Variants in RGS7 observed in about 807,000 individuals in gnomAD.
RGS7 encodes the protein regulator of G protein signaling 7.
Under a neutral mutation model 81.1 loss-of-function variants are expected in RGS7, and 27 were observed. That is an observed-to-expected ratio of 0.33 (90% confidence interval 0.25 to 0.46). RGS7 has a LOEUF of 0.46. Among genes scored for constraint, RGS7 ranks in the 20% least tolerant of loss-of-function variants. The pLI is 1.00. For missense variants in RGS7, 396 were observed against 607.4 expected (o/e 0.65, Z 3.66); for synonymous variants, 208 against 207.7 (o/e 1.00, Z -0.01).
In RGS7 at chr1:241,343,132, C is replaced by T. The variant is rs530608373; in HGVS notation, c.78+12567G>A. Among the ~76,000 whole-genome samples, 9 of 151,858 alleles carry T rather than the reference C, an allele frequency of 5.9e-5. No homozygotes were observed. The South Asian group carries it at 6.2e-4, about 11-fold the overall frequency. On this transcript the variant is annotated intron_variant, in intron 2 of 18. Transcript: ENST00000440928. ...AAAAAATTAGTCAGGCATGGTGGTG[C>T]GCACCTGTAGCCCCAGCTACTCGGG...
intron 2 of RGS7, among the ~76,000 whole-genome samples, chr1:241,342,550 G>A (rs989627785): frequency 6.6e-6 from 1 of 152,124 alleles, no homozygotes; most frequent in Non-Finnish European, 1.5e-5. Context: ...AATGTAAAAA[G>A]CAATTACAAA....
chr1:241,304,886 A>C (rs1323657102), intron 2 of RGS7, among the ~76,000 whole-genome samples: 1 of 152,230 alleles, frequency 6.6e-6, no homozygotes, highest in African/African-American at 2.4e-5. Context: ...ATTATTGCCT[A>C]TATTTAGGTT....
At chr1:241,235,652 CTCTT>C (rs1435016285) in intron 2 of RGS7, among the ~76,000 whole-genome samples, 6 of 135,040 alleles carry the variant, frequency 4.4e-5, no homozygotes, top group Non-Finnish European at 6.4e-5. Context: ...TTCTCATTCT[CTCTT>C]TCTTTCTCTT....
intron 2 of RGS7, among the ~76,000 whole-genome samples, chr1:241,300,473 C>T (rs111317524): frequency 6.6e-6 from 1 of 152,208 alleles, no homozygotes; most frequent in Non-Finnish European, 1.5e-5. Context: ...TCACCATCTC[C>T]ATAGTTTTGC....
chr1:240,840,941 T>C (rs1247343688), intron 9 of RGS7, among the ~76,000 whole-genome samples: 3 of 151,170 alleles, frequency 2.0e-5, no homozygotes, highest in South Asian at 2.1e-4. Flanking sequence ...TGCTTGTGTG[T>C]ATGTGTGTGT....
chr1:241,055,985 T>C (rs1278526244), intron 3 of RGS7, among the ~76,000 whole-genome samples: 2 of 152,206 alleles, frequency 1.3e-5, no homozygotes, highest in African/African-American at 4.8e-5. Flanking sequence ...GCTATGTGTG[T>C]ATTTGTTTGC....
At chr1:241,010,493 C>G (rs560394363) in intron 3 of RGS7, among the ~76,000 whole-genome samples, 15 of 152,332 alleles carry the variant, frequency 9.8e-5, no homozygotes, top group African/African-American at 3.4e-4. Context: ...TGATCTCTCC[C>G]TGACACATTC....
chr1:240,878,478 CTTTTTTCTTTCT>C (rs1665820710), intron 6 of RGS7, among the ~76,000 whole-genome samples: 1 of 116,272 alleles, frequency 8.6e-6, no homozygotes. Flanking sequence ...TCTTTCTTTT[CTTTTTTCTTTCT>C]TTTTTTTTTT....
At chr1:241,333,608 C>G (rs2082085892) in intron 2 of RGS7, among the ~76,000 whole-genome samples, 2 of 152,040 alleles carry the variant, frequency 1.3e-5, no homozygotes, top group Non-Finnish European at 2.9e-5. Flanking sequence ...ATGTAAAATC[C>G]AAAACACTGT....
intron 6 of RGS7, chr1:240,920,335 G>C (rs1572766847): frequency 1.3e-6 from 2 of 1,522,392 alleles, no homozygotes; most frequent in Non-Finnish European, 1.8e-6. Context: ...GGTGGCTTTG[G>C]TGGCAGCTGT....
At chr1:241,336,985 C>G (rs550825038) in intron 2 of RGS7, among the ~76,000 whole-genome samples, 2 of 152,088 alleles carry the variant, frequency 1.3e-5, no homozygotes, top group Non-Finnish European at 2.9e-5. Flanking sequence ...AGGGAAGTAG[C>G]TTGGTATAGT....
chr1:241,120,182 A>G (rs557422820), intron 2 of RGS7, among the ~76,000 whole-genome samples: 10 of 152,290 alleles, frequency 6.6e-5, no homozygotes, highest in African/African-American at 2.4e-4. Flanking sequence ...CAGGTGAGCC[A>G]TCCTCAGGCC....
intron 3 of RGS7, among the ~76,000 whole-genome samples, chr1:241,051,542 T>TTC (rs1392999670): frequency 6.6e-6 from 1 of 151,966 alleles, no homozygotes; most frequent in Non-Finnish European, 1.5e-5. Flanking sequence ...CTCTCTCTCT[T>TTC]TCTCTCTCTC....
At chr1:241,239,129 C>T (rs746596403) in intron 2 of RGS7, among the ~76,000 whole-genome samples, 8 of 151,994 alleles carry the variant, frequency 5.3e-5, no homozygotes, top group Non-Finnish European at 1.2e-4. Context: ...CCACCACGCC[C>T]GGCTAATTTT....
intron 9 of RGS7, among the ~76,000 whole-genome samples, chr1:240,851,241 C>T (rs543451570): frequency 1.8e-4 from 27 of 152,180 alleles, no homozygotes; most frequent in Non-Finnish European, 2.8e-4. Context: ...TTGATCATTC[C>T]GAAAATTCTA....
intron 3 of RGS7, among the ~76,000 whole-genome samples, chr1:241,069,571 G>A (rs754516102): frequency 5.4e-4 from 82 of 152,232 alleles, no homozygotes; most frequent in Non-Finnish European, 1.0e-3. Context: ...TCCTTGGGGA[G>A]GGTGGATAGT....
At chr1:240,793,611 A>ATTTTTTTTTTTTTTT (rs1205854418) in intron 18 of RGS7, among the ~76,000 whole-genome samples, 1 of 78,868 alleles carries the variant, frequency 1.3e-5, no homozygotes, top group Non-Finnish European at 2.0e-5. Flanking sequence ...ATATATATAT[A>ATTTTTTTTTTTTTTT]TTTTTTTTTT....
intron 3 of RGS7, among the ~76,000 whole-genome samples, chr1:241,061,363 G>C (rs1226062650): frequency 2.0e-5 from 3 of 152,152 alleles, no homozygotes; most frequent in African/African-American, 7.2e-5. Flanking sequence ...AGCATAGCAG[G>C]ACACTGAGGA....
At chr1:241,003,344 C>T (rs2058511720) in intron 3 of RGS7, among the ~76,000 whole-genome samples, 1 of 151,810 alleles carries the variant, frequency 6.6e-6, no homozygotes, top group Non-Finnish European at 1.5e-5. Context: ...GCCTGTAGTC[C>T]CAGCTACTCG....
Sources: gnomAD v4.1 joint callset for allele counts (sites outside exome capture counted in the v4.1 genomes callset) on GRCh38, gnomAD v4.1.1 for gene constraint, MANE v1.5 for transcripts, NCBI Gene and HGNC (gene_info 2026-07-23, HGNC 2026-07-21) for gene names.